PSG3: variants seen among roughly 807,000 people sequenced by gnomAD.
PSG3 encodes pregnancy specific beta-1-glycoprotein 3, also known as pregnancy-specific beta-1-glycoprotein 3.
Under a neutral mutation model 47.5 loss-of-function variants are expected in PSG3, and 61 were observed. That is an observed-to-expected ratio of 1.28 (90% CI 1.05 to 1.59). PSG3 has a LOEUF of 1.59. Ranked by LOEUF, PSG3 falls within the 40% of genes most tolerant of loss-of-function variation. The pLI is 0.00. For synonymous variants in PSG3, 263 were observed against 198.4 expected, an observed-to-expected ratio of 1.33 and a Z score of -2.74; for missense variants, 756 against 524.0, an observed-to-expected ratio of 1.44 and a Z score of -4.32.
At chr19:42,736,210 C>G (rs949750995) in intron 2 of PSG3, among the ~76,000 whole-genome samples, 1 of 152,150 alleles carries the variant, frequency 6.6e-6, no homozygotes, top group East Asian at 1.9e-4. Flanking sequence ...GCTCAAATGT[C>G]GTTGGGCCAG....
intron 1 of PSG3, 56 bp from the exon 2 acceptor site, chr19:42,739,145 G>C (rs1318601579): frequency 1.3e-6 from 2 of 1,546,190 alleles, no homozygotes; most frequent in African/African-American, 2.8e-5. Flanking sequence ...GGGGTGAAAA[G>C]ATGTGGCCCT....
rs374575970 is a variant in PSG3 at position 42,729,199 on chromosome 19, G to T, written c.1167C>A (p.Ser389Arg). 1.1e-5 allele frequency: 18 copies of T among 1,613,880 alleles called. No individual in the cohort carries two copies. The highest frequency in any genetic ancestry group is 6.7e-5 in the African/African-American group (5 of 74,926). The change falls in exon 5 of 7, where the codon AGC becomes AGA. Residue 389 changes from serine to arginine, a missense_variant. By Grantham distance (110) the Ser-to-Arg change is moderately radical (BLOSUM62 -1). Coordinates refer to ENST00000327495, the MANE Select transcript of PSG3 (RefSeq NM_021016.4). ...TACGAACAGAGCAAGCATAGAGCCCGCTATGCTTTGTAGTAATCTGGGGGA... is the reference window on the plus strand; with the variant it reads ...TACGAACAGAGCAAGCATAGAGCCCTCTATGCTTTGTAGTAATCTGGGGGA... ...LFIPQITTKH[S>R]GLYACSVRNS...
chr19:42,722,287 G>C (rs945204697), intron 6 of PSG3, among the ~76,000 whole-genome samples, 197 bp from the exon 7 acceptor site: 1 of 152,084 alleles, frequency 6.6e-6, no homozygotes, highest in Non-Finnish European at 1.5e-5. Context: ...GTCTCACTCT[G>C]TCACCCAGGC....
chr19:42,736,278 GA>G (rs1336670060), intron 2 of PSG3, among the ~76,000 whole-genome samples: 1 of 152,204 alleles, frequency 6.6e-6, no homozygotes, highest in Non-Finnish European at 1.5e-5. Flanking sequence ...TGTAGAACGT[GA>G]GATTGGTCTT....
At chr19:42,725,018 AAGAC>A (rs1568745777) in intron 5 of PSG3, among the ~76,000 whole-genome samples, 1 of 152,160 alleles carries the variant, frequency 6.6e-6, no homozygotes, top group Non-Finnish European at 1.5e-5. Context: ...TGCCGATGAA[AAGAC>A]AGAAGCTTAG....
chr19:42,725,961 T>A (rs978138914), intron 5 of PSG3, among the ~76,000 whole-genome samples: 3 of 149,572 alleles, frequency 2.0e-5, no homozygotes, highest in African/African-American at 7.5e-5. Context: ...CTAATGATTA[T>A]GAAAGTACTA....
chr19:42,729,752 C>T (rs766093466), intron 4 of PSG3, 26 bp downstream of exon 4: 3 of 1,593,778 alleles, frequency 1.9e-6, no homozygotes, highest in Admixed American at 1.7e-5. Context: ...GGTGTCCTGG[C>T]CCACAGAGGA....
chr19:42,722,793 C>G (rs932125010), intron 6 of PSG3, among the ~76,000 whole-genome samples: 6 of 152,078 alleles, frequency 3.9e-5, no homozygotes, highest in Non-Finnish European at 8.8e-5. Context: ...TCCAGTACTT[C>G]CAGCTGAACA....
chr19:42,732,606 T>C (rs1969490415), intron 3 of PSG3, 178 bp downstream of exon 3: 1 of 1,428,494 alleles, frequency 7.0e-7, no homozygotes, highest in African/African-American at 1.4e-5. Context: ...TCTTTTCTCC[T>C]ATTGTTGATC....
At chr19:42,735,101 G>C (rs1370512038) in intron 2 of PSG3, among the ~76,000 whole-genome samples, 2 of 152,154 alleles carry the variant, frequency 1.3e-5, no homozygotes, top group Non-Finnish European at 2.9e-5. Context: ...ACCTCCACCT[G>C]GTCCCCAAAA....
chr19:42,723,591 G>A (rs919156330), intron 6 of PSG3, among the ~76,000 whole-genome samples: 1 of 152,204 alleles, frequency 6.6e-6, no homozygotes, highest in Non-Finnish European at 1.5e-5. Flanking sequence ...AAGAAGTCAA[G>A]CAATACTTTG....
At position 42,739,064 on chromosome 19, in the gene PSG3, C is replaced by A. The variant is rs200893089; in HGVS notation, c.90G>T (p.Leu30Phe). The change falls in exon 2 of 7, where the codon TTG (leucine) becomes TTT (phenylalanine). Residue 30 changes from leucine to phenylalanine, a missense_variant. Physicochemically the swap from Leu to Phe is conservative, Grantham distance 22 (BLOSUM62 0). Transcript: ENST00000327495. ...LTALLLNFWN[L>F]PTTAQVTIEA... ...CAATCGTGACTTGGGCAGTGGTAGG[C>A]AAGTTCCAGAAGTTTAAAAGTAATG... The A allele has an allele frequency of 6.2e-7, 1 of 1,606,140 alleles. No homozygotes were observed. Among genetic ancestry groups the A allele is most frequent in the Non-Finnish European group, 8.5e-7 (1 of 1,173,754 alleles).
intron 2 of PSG3, among the ~76,000 whole-genome samples, chr19:42,736,138 A>AAGATTAT (rs1370280817): frequency 6.6e-6 from 1 of 152,236 alleles, no homozygotes; most frequent in African/African-American, 2.4e-5. Context: ...CCATGAGATT[A>AAGATTAT]AGATTATAGG....
intron 2 of PSG3, chr19:42,733,953 G>A (rs1405237124): frequency 6.6e-6 from 1 of 152,098 alleles, no homozygotes; most frequent in African/African-American, 2.4e-5. Flanking sequence ...TGTGTTTGGT[G>A]GATATTAGAC....
chr19:42,724,797 G>T (rs1351760540), intron 5 of PSG3, among the ~76,000 whole-genome samples: 1 of 151,560 alleles, frequency 6.6e-6, no homozygotes, highest in East Asian at 1.9e-4. Flanking sequence ...TTGATTCTTT[G>T]CACTTAGCTT....
At position 42,732,938 on chromosome 19, in the gene PSG3, C is replaced by T. The variant is rs1448338558; in HGVS notation, c.555G>A (p.Gln185=). The change falls in exon 3 of 7, where the codon CAG becomes CAA. Residue 185 remains glutamine (Q), a synonymous_variant. Coordinates refer to ENST00000327495, the MANE Select transcript of PSG3 (RefSeq NM_021016.4). ...DASYLWWMNG[Q]SLPMTHSLQL... ...GCAAGCTGTGAGTCATAGGGAGGCTCTGACCATTCATCCACCACAGGTAGC... is the reference window on the plus strand; with the variant it reads ...GCAAGCTGTGAGTCATAGGGAGGCTTTGACCATTCATCCACCACAGGTAGC... 1 of 1,614,144 alleles carries T rather than the reference C, an allele frequency of 6.2e-7. No homozygotes were observed. The highest frequency in any genetic ancestry group is 1.1e-5 in the South Asian group (1 of 91,068).
rs868635689 is a variant in PSG3, at chr19:42,729,129, C to A, written c.1237G>T (p.Val413Phe). The A allele has an allele frequency of 1.9e-6, 3 of 1,613,994 alleles. No homozygotes were observed. Among genetic ancestry groups the A allele is most frequent in the Non-Finnish European group, 2.5e-6 (3 of 1,179,856 alleles). Residue 413 changes from valine (V) to phenylalanine (F), a missense_variant, in exon 5 of 7, where the codon GTC becomes TTC. Val to Phe is a conservative substitution (Grantham distance 50). Coordinates refer to ENST00000327495, the MANE Select transcript of PSG3 (RefSeq NM_021016.4). ...MESSKSMTVK[V>F]SAPSGTGHLP... ...CATGCTGGGATCCACTTACCAGAGA[C>A]TTTGACTGTCATGGATTTGGAGCTT...
chr19:42,725,711 C>G (rs1237279850), intron 5 of PSG3, among the ~76,000 whole-genome samples: 1 of 151,598 alleles, frequency 6.6e-6, no homozygotes, highest in African/African-American at 2.4e-5. Context: ...AATAAAAAAG[C>G]CAATTAGCTG....
At chr19:42,733,449 G>T (rs745510668) in intron 2 of PSG3, 2 of 220,172 alleles carry the variant, frequency 9.1e-6, no homozygotes, top group Admixed American at 5.1e-5. Context: ...TTACTTTGCC[G>T]CCCGAGGTAT....
Sources: allele counts gnomAD v4.1 joint callset (sites outside exome capture counted in the v4.1 genomes callset), GRCh38; gene constraint gnomAD v4.1.1; transcripts MANE v1.5; gene names NCBI Gene and HGNC (gene_info 2026-07-23, HGNC 2026-07-21).